NALF1: variants seen among roughly 807,000 people sequenced by gnomAD.
The protein encoded by NALF1 is NALCN channel auxiliary factor 1.
NALF1 carries 3 observed loss-of-function variants against 48.4 expected under a neutral mutation model. The ratio of observed to expected loss-of-function variants is 0.06; its 90% CI spans 0.03 to 0.16. NALF1 has a LOEUF of 0.16. NALF1 is among the 10% of genes least tolerant of loss of function. The probability of loss-of-function intolerance (pLI) is 1.00; values close to 1 mark genes in which losing one functional copy is unlikely to be tolerated. For synonymous variants in NALF1, 262 were observed against 245.7 expected (o/e 1.07, Z -0.62); for missense variants, 526 against 571.5 (o/e 0.92, Z 0.81).
chr13:107,652,295 T>C (rs1880468614), intron 1 of NALF1, among the ~76,000 whole-genome samples: 1 of 152,186 alleles, frequency 6.6e-6, no homozygotes, highest in South Asian at 2.1e-4. Flanking sequence ...CTGGCCTTTG[T>C]TATTAAGATT....
chr13:107,280,146 A>G (rs1594102063), intron 1 of NALF1, among the ~76,000 whole-genome samples: 1 of 152,316 alleles, frequency 6.6e-6, no homozygotes, highest in East Asian at 1.9e-4. Context: ...AGACTGAACT[A>G]TCACATGATC....
At position 107,584,764 on chromosome 13, in the gene NALF1, A is replaced by G. The variant is rs544593200; in HGVS notation, c.915+280918T>C. 2.0e-5 allele frequency among the ~76,000 whole-genome samples: 3 copies of G among 152,272 alleles called. No homozygotes were observed. The South Asian group carries it at 6.2e-4, about 32-fold the overall frequency. ...CACTCACTTGGGAGGTCCCTGTGCCATGCCTCACTCCACGTGAAGCCCACA... is the reference window on the plus strand; with the variant it reads ...CACTCACTTGGGAGGTCCCTGTGCCGTGCCTCACTCCACGTGAAGCCCACA... On this transcript the variant is annotated intron_variant, in intron 1 of 2. Transcript: ENST00000375915.
At chr13:107,856,373 T>C (rs1234216228) in intron 1 of NALF1, among the ~76,000 whole-genome samples, 1 of 152,200 alleles carries the variant, frequency 6.6e-6, no homozygotes, top group Non-Finnish European at 1.5e-5. Context: ...AGTCCTGCTT[T>C]GCTCTAGAGG....
chr13:107,600,061 T>C (rs932952363), intron 1 of NALF1, among the ~76,000 whole-genome samples: 1 of 152,208 alleles, frequency 6.6e-6, no homozygotes, highest in African/African-American at 2.4e-5. Context: ...ATCTGGTGGT[T>C]AATTATAACT....
chr13:107,181,278 A>C (rs985627126), intron 2 of NALF1, among the ~76,000 whole-genome samples: 1 of 151,490 alleles, frequency 6.6e-6, no homozygotes, highest in African/African-American at 2.4e-5. Flanking sequence ...ATTGAATTGA[A>C]TGCCACTTTA....
chr13:107,172,635 T>C (rs1214107903), intron 2 of NALF1, among the ~76,000 whole-genome samples: 1 of 152,218 alleles, frequency 6.6e-6, no homozygotes. Context: ...ATTTTTATTG[T>C]ATGATATTTT....
intron 1 of NALF1, among the ~76,000 whole-genome samples, chr13:107,706,346 A>G (rs1412718163): frequency 6.6e-6 from 1 of 152,248 alleles, no homozygotes; most frequent in Non-Finnish European, 1.5e-5. Context: ...CATATTATTT[A>G]GAATATGTGG....
chr13:107,504,877 T>C (rs1434382559), intron 1 of NALF1, among the ~76,000 whole-genome samples: 1 of 152,184 alleles, frequency 6.6e-6, no homozygotes, highest in Admixed American at 6.5e-5. Flanking sequence ...GACACGTCTG[T>C]CTACTCAACA....
chr13:107,452,371 A>G (rs1389801896), intron 1 of NALF1, among the ~76,000 whole-genome samples: 1 of 152,172 alleles, frequency 6.6e-6, no homozygotes, highest in African/African-American at 2.4e-5. Context: ...GAAACTTAAA[A>G]TCATGGTGAA....
intron 1 of NALF1, among the ~76,000 whole-genome samples, chr13:107,769,512 G>A (rs1440755553): frequency 7.3e-6 from 1 of 136,176 alleles, no homozygotes; most frequent in Non-Finnish European, 1.5e-5. Flanking sequence ...GACACAGGAA[G>A]GGGAATATCG....
intron 1 of NALF1, among the ~76,000 whole-genome samples, chr13:107,289,497 T>A (rs1209782835): frequency 6.6e-6 from 1 of 152,232 alleles, no homozygotes; most frequent in East Asian, 1.9e-4. Flanking sequence ...AGTAATATAT[T>A]ACAGAGGTAT....
intron 1 of NALF1, among the ~76,000 whole-genome samples, chr13:107,704,426 T>C (rs538875972): frequency 1.3e-5 from 2 of 152,304 alleles, no homozygotes; most frequent in East Asian, 3.9e-4. Context: ...TTTGAATTCA[T>C]TATATTTTTG....
intron 1 of NALF1, among the ~76,000 whole-genome samples, chr13:107,538,891 TA>T (rs1251064808): frequency 6.6e-6 from 1 of 152,182 alleles, no homozygotes; most frequent in Non-Finnish European, 1.5e-5. Context: ...TTAGCTTTCA[TA>T]AAAATAATTT....
At chr13:107,690,188 C>T (rs1881535190) in intron 1 of NALF1, among the ~76,000 whole-genome samples, 1 of 152,200 alleles carries the variant, frequency 6.6e-6, no homozygotes, top group Non-Finnish European at 1.5e-5. Context: ...TGCACTGAGA[C>T]TGTTATCCAG....
chr13:107,167,375 G>A lies in NALF1; in HGVS notation c.*3122C>T, dbSNP rs536161311. 2.0e-5 allele frequency: 3 copies of A among 152,258 alleles called. No homozygotes were observed. Among genetic ancestry groups the A allele is most frequent in the African/African-American group, 7.2e-5 (3 of 41,550 alleles). The allele number at this position is 152,258 out of a possible 1,614,324, so 9.4% of individuals were successfully genotyped here. On this transcript the variant is annotated 3_prime_UTR_variant, in exon 3 of 3. Coordinates refer to ENST00000375915, the MANE Select transcript of NALF1 (RefSeq NM_001080396.3). ...TGTGTGCCAGGAAAACTACTACAAAGAATCAACGGATGTAGTGAAATCTGC... is the reference window on the plus strand; with the variant it reads ...TGTGTGCCAGGAAAACTACTACAAAAAATCAACGGATGTAGTGAAATCTGC...
intron 1 of NALF1, among the ~76,000 whole-genome samples, chr13:107,784,389 A>C (rs1483893829): frequency 1.3e-5 from 2 of 152,218 alleles, no homozygotes; most frequent in East Asian, 3.8e-4. Flanking sequence ...GTCAGTTCAT[A>C]AAAATTTTTC....
chr13:107,759,096 T>A (rs1877195354), intron 1 of NALF1, among the ~76,000 whole-genome samples: 1 of 152,122 alleles, frequency 6.6e-6, no homozygotes, highest in South Asian at 2.1e-4. Context: ...CAAGAGTCAA[T>A]GGGTTAAGAA....
At chr13:107,730,496 C>T (rs1255728683) in intron 1 of NALF1, among the ~76,000 whole-genome samples, 1 of 152,180 alleles carries the variant, frequency 6.6e-6, no homozygotes, top group Non-Finnish European at 1.5e-5. Flanking sequence ...CCCTGTACTT[C>T]TGTGTTCATC....
At chr13:107,379,567 C>A in intron 1 of NALF1, among the ~76,000 whole-genome samples, 1 of 152,164 alleles carries the variant, frequency 6.6e-6, no homozygotes, top group African/African-American at 2.4e-5. Flanking sequence ...TACACCTGCA[C>A]CACGTTGATC....
Sources: gnomAD v4.1 joint callset for allele counts (sites outside exome capture counted in the v4.1 genomes callset) on GRCh38, gnomAD v4.1.1 for gene constraint, MANE v1.5 for transcripts, NCBI Gene and HGNC (gene_info 2026-07-23, HGNC 2026-07-21) for gene names.